ZNF385D: variants seen among roughly 807,000 people sequenced by gnomAD.
The protein encoded by ZNF385D is zinc finger protein 659.
ZNF385D carries 15 observed loss-of-function variants against 35.8 expected under a neutral mutation model. The ratio of observed to expected loss-of-function variants is 0.42; its 90% CI spans 0.28 to 0.64. ZNF385D has a LOEUF of 0.64. Ranked by LOEUF, ZNF385D falls within the 30% of genes least tolerant of loss-of-function variation. The pLI is 0.23. For missense variants in ZNF385D, 474 were observed against 494.6 expected (o/e 0.96, Z 0.39); for synonymous variants, 212 against 186.8 (o/e 1.13, Z -1.10).
At chr3:21,489,653 A>T (rs986860905) in intron 4 of ZNF385D, among the ~76,000 whole-genome samples, 6 of 151,460 alleles carry the variant, frequency 4.0e-5, no homozygotes, top group Non-Finnish European at 7.4e-5. Context: ...ACCTGTCTGG[A>T]TTCAACTTCA....
At chr3:21,737,379 G>C (rs1252219814) in intron 1 of ZNF385D, among the ~76,000 whole-genome samples, 1 of 151,924 alleles carries the variant, frequency 6.6e-6, no homozygotes, top group African/African-American at 2.4e-5. Context: ...AAAAGAATGA[G>C]AATCAGTATA....
chr3:21,915,322 T>C (rs908601767), intron 3 of ZNF385D, among the ~76,000 whole-genome samples: 4 of 152,122 alleles, frequency 2.6e-5, no homozygotes, highest in African/African-American at 9.7e-5. Flanking sequence ...TTTATTTTTC[T>C]TTAAGATTAG....
chr3:22,048,264 T>TG (rs1699128098), intron 3 of ZNF385D, among the ~76,000 whole-genome samples: 1 of 152,262 alleles, frequency 6.6e-6, no homozygotes. Context: ...CATTTGCTTT[T>TG]GGAAAAAAAG....
chr3:22,150,843 T>G (rs948668873), intron 3 of ZNF385D, among the ~76,000 whole-genome samples: 2 of 152,014 alleles, frequency 1.3e-5, no homozygotes, highest in Non-Finnish European at 2.9e-5. Context: ...GTAGAGTGCA[T>G]ATAAGGGTGG....
intron 2 of ZNF385D, among the ~76,000 whole-genome samples, chr3:22,275,383 G>A (rs1026292014): frequency 1.3e-5 from 2 of 152,084 alleles, no homozygotes; most frequent in East Asian, 3.9e-4. Flanking sequence ...ACAGTTGATT[G>A]CTGTAAACCA....
chr3:21,802,672 A>G (rs2072460236), intron 3 of ZNF385D, among the ~76,000 whole-genome samples: 1 of 152,230 alleles, frequency 6.6e-6, no homozygotes, highest in East Asian at 1.9e-4. Context: ...AAATACACTC[A>G]ATAGAACACT....
At chr3:21,523,841 G>T (rs569722301) in intron 3 of ZNF385D, among the ~76,000 whole-genome samples, 5 of 152,124 alleles carry the variant, frequency 3.3e-5, no homozygotes, top group Admixed American at 2.6e-4. Flanking sequence ...CAGGGGCAGG[G>T]AGTCTAGATG....
chr3:21,575,003 A>T (rs2063452682), intron 2 of ZNF385D, among the ~76,000 whole-genome samples: 1 of 152,316 alleles, frequency 6.6e-6, no homozygotes. Context: ...TTTTCTTAAC[A>T]AACATAAAAC....
chr3:21,828,115 A>C (rs1363494483), intron 3 of ZNF385D, among the ~76,000 whole-genome samples: 1 of 152,232 alleles, frequency 6.6e-6, no homozygotes, highest in African/African-American at 2.4e-5. Flanking sequence ...ACCATGAATT[A>C]ACAAAATGTA....
intron 1 of ZNF385D, among the ~76,000 whole-genome samples, chr3:21,693,597 T>C (rs2067355707): frequency 6.6e-6 from 1 of 152,138 alleles, no homozygotes; most frequent in African/African-American, 2.4e-5. Flanking sequence ...TCCATAAAGA[T>C]GGGATACCAA....
At chr3:21,608,023 G>GTTTTTTTTTGTTTTTTTTTT (rs1553622610) in intron 2 of ZNF385D, among the ~76,000 whole-genome samples, 24 of 120,232 alleles carry the variant, frequency 2.0e-4, no homozygotes, top group African/African-American at 7.4e-4. Context: ...TTTTTTTTTT[G>GTTTTTTTTTGTTTTTTTTTT]TTTTTTTTTT....
At chr3:21,434,272 T>G (rs1368344890) in intron 5 of ZNF385D, among the ~76,000 whole-genome samples, 2 of 152,112 alleles carry the variant, frequency 1.3e-5, no homozygotes, top group African/African-American at 4.8e-5. Flanking sequence ...ACCCACTCCC[T>G]TAACCTCCTT....
At chr3:22,200,898 T>C (rs1161345200) in intron 2 of ZNF385D, among the ~76,000 whole-genome samples, 1 of 152,252 alleles carries the variant, frequency 6.6e-6, no homozygotes, top group East Asian at 1.9e-4. Flanking sequence ...GAGTGTAAGG[T>C]TATCTCTCTT....
chr3:22,007,287 C>T (rs566467842), intron 3 of ZNF385D, among the ~76,000 whole-genome samples: 36 of 152,238 alleles, frequency 2.4e-4, no homozygotes, highest in African/African-American at 8.2e-4. Flanking sequence ...ACATTATATC[C>T]TGGAAATCAA....
intron 2 of ZNF385D, among the ~76,000 whole-genome samples, chr3:21,572,929 A>G (rs1452088963): frequency 6.8e-6 from 1 of 147,870 alleles, no homozygotes; most frequent in Non-Finnish European, 1.5e-5. Context: ...GGACTTCACA[A>G]TATCCCTAGG....
intron 4 of ZNF385D, among the ~76,000 whole-genome samples, chr3:21,440,811 A>C (rs1455370449): frequency 6.6e-6 from 1 of 152,160 alleles, no homozygotes; most frequent in Non-Finnish European, 1.5e-5. Flanking sequence ...GTTACTTTGT[A>C]GAATCATAAT....
intron 5 of ZNF385D, among the ~76,000 whole-genome samples, chr3:21,429,229 A>G (rs935584610): frequency 2.0e-5 from 3 of 151,932 alleles, no homozygotes; most frequent in Non-Finnish European, 4.4e-5. Flanking sequence ...AAACCCCCTA[A>G]TTTCACCAAC....
intron 4 of ZNF385D, among the ~76,000 whole-genome samples, chr3:21,462,299 A>G (rs1045187347): frequency 5.9e-5 from 9 of 152,140 alleles, no homozygotes; most frequent in Non-Finnish European, 1.2e-4. Flanking sequence ...TTTTGTCTCC[A>G]GAATTTAGGA....
intron 3 of ZNF385D, among the ~76,000 whole-genome samples, chr3:21,962,129 A>T (rs1156679073): frequency 6.6e-6 from 1 of 152,134 alleles, no homozygotes; most frequent in African/African-American, 2.4e-5. Flanking sequence ...TATGGGCAAT[A>T]AGAGGAAGGC....
Sources: allele counts gnomAD v4.1 joint callset (sites outside exome capture counted in the v4.1 genomes callset), GRCh38; gene constraint gnomAD v4.1.1; transcripts MANE v1.5; gene names NCBI Gene and HGNC (gene_info 2026-07-23, HGNC 2026-07-21).